The following CNTN5 variants were observed in gnomAD, a reference collection of about 807,000 sequenced individuals.
CNTN5 encodes the protein contactin 5, also known as contactin-5.
In CNTN5, 77 loss-of-function variants were observed where a neutral mutation model predicts 129.1. The ratio of observed to expected loss-of-function variants is 0.60; its 90% CI spans 0.50 to 0.72. The LOEUF is 0.72. CNTN5 is among the 30% of genes least tolerant of loss of function. The probability of loss-of-function intolerance (pLI) is 0.00; values close to 1 mark genes in which losing one functional copy is unlikely to be tolerated. For missense variants in CNTN5, 1,478 were observed against 1,328.8 expected (o/e 1.11, Z -1.75); for synonymous variants, 509 against 465.6 (o/e 1.09, Z -1.20).
intron 7 of CNTN5, among the ~76,000 whole-genome samples, chr11:99,948,908 A>G (rs1950611833): frequency 6.6e-6 from 1 of 152,146 alleles, no homozygotes; most frequent in African/African-American, 2.4e-5. Context: ...CCCTCATTGC[A>G]TTCCACCTGC....
At chr11:100,169,405 T>C (rs562908945) in intron 13 of CNTN5, among the ~76,000 whole-genome samples, 1 of 152,064 alleles carries the variant, frequency 6.6e-6, no homozygotes, top group South Asian at 2.1e-4. Context: ...TTAATATTTC[T>C]GAATAATCTG....
intron 3 of CNTN5, among the ~76,000 whole-genome samples, chr11:99,769,835 T>G (rs1455663540): frequency 6.6e-6 from 1 of 150,580 alleles, no homozygotes; most frequent in African/African-American, 2.4e-5. Context: ...AAAAACAATC[T>G]GATTTAAGAT....
At position 99,521,089 on chromosome 11, in the gene CNTN5, A is replaced by G. The variant is rs143129208; in HGVS notation, c.-70-35056A>G. Reference sequence around the variant, plus strand: ...ACCAAAACCCAAGCCTTCCATTTTAAGTCCAGTAAGCTTTCCACTATGGGA... The same window carrying G: ...ACCAAAACCCAAGCCTTCCATTTTAGGTCCAGTAAGCTTTCCACTATGGGA... On this transcript the variant is annotated intron_variant, in intron 2 of 24. Coordinates refer to ENST00000524871, the MANE Select transcript of CNTN5 (RefSeq NM_014361.4). Among the ~76,000 whole-genome samples, 1,511 of 152,280 alleles carry G rather than the reference A, an allele frequency of 9.9e-3. 17 individuals are homozygous for G. The highest frequency in any genetic ancestry group is 0.015 in the Non-Finnish European group (1,044 of 68,004).
chr11:99,498,020 G>T (rs902422134), intron 2 of CNTN5, among the ~76,000 whole-genome samples: 2 of 152,082 alleles, frequency 1.3e-5, no homozygotes, highest in Non-Finnish European at 2.9e-5. Context: ...GTTAGCTACT[G>T]TGTGTTCAGG....
chr11:99,645,728 C>T (rs1430075893), intron 3 of CNTN5, among the ~76,000 whole-genome samples: 1 of 151,526 alleles, frequency 6.6e-6, no homozygotes, highest in African/African-American at 2.4e-5. Flanking sequence ...TGATCTCACT[C>T]ATAAGTGGTA....
At chr11:99,850,706 G>A (rs1411094626) in intron 6 of CNTN5, among the ~76,000 whole-genome samples, 2 of 151,904 alleles carry the variant, frequency 1.3e-5, no homozygotes, top group African/African-American at 2.4e-5. Flanking sequence ...CCTTATAACA[G>A]GTCAAGGTAG....
chr11:100,098,638 C>T (rs935709326), intron 13 of CNTN5, among the ~76,000 whole-genome samples: 7 of 152,032 alleles, frequency 4.6e-5, no homozygotes, highest in African/African-American at 1.7e-4. Flanking sequence ...CTATTTGTTG[C>T]TATGTAACAA....
At chr11:100,352,219 T>G (rs971574770) in intron 24 of CNTN5, among the ~76,000 whole-genome samples, 3 of 151,650 alleles carry the variant, frequency 2.0e-5, no homozygotes, top group Non-Finnish European at 4.4e-5. Context: ...CCTCTATATG[T>G]CCATGTGTTC....
intron 3 of CNTN5, among the ~76,000 whole-genome samples, chr11:99,751,045 C>T (rs994289540): frequency 9.9e-5 from 15 of 152,116 alleles, no homozygotes; most frequent in South Asian, 4.1e-4. Flanking sequence ...TCATCCCTCA[C>T]GATTATAACT....
chr11:99,553,886 G>GA (rs1476972267), intron 2 of CNTN5, among the ~76,000 whole-genome samples: 8 of 151,436 alleles, frequency 5.3e-5, no homozygotes, highest in African/African-American at 1.9e-4. Flanking sequence ...GACTTTTTAA[G>GA]AAATATTATG....
intron 23 of CNTN5, among the ~76,000 whole-genome samples, chr11:100,343,530 G>A (rs1952212160): frequency 6.6e-6 from 1 of 152,072 alleles, no homozygotes. Flanking sequence ...CTCAGAACGC[G>A]GGTTTTCACA....
intron 13 of CNTN5, among the ~76,000 whole-genome samples, chr11:100,137,630 T>TA (rs1946568788): frequency 1.3e-5 from 2 of 151,924 alleles, no homozygotes; most frequent in South Asian, 4.1e-4. Flanking sequence ...TGTCCTGGAG[T>TA]AAAAATCACA....
intron 7 of CNTN5, among the ~76,000 whole-genome samples, chr11:99,933,967 G>A (rs1246813782): frequency 2.0e-5 from 3 of 152,138 alleles, no homozygotes; most frequent in African/African-American, 7.2e-5. Context: ...AAAGTAACTT[G>A]CTTTCAGCAT....
chr11:99,702,774 A>G (rs974215020), intron 3 of CNTN5, among the ~76,000 whole-genome samples: 3 of 150,960 alleles, frequency 2.0e-5, no homozygotes, highest in African/African-American at 4.8e-5. Flanking sequence ...CCTCCAGAAG[A>G]TCCATCTGTT....
At chr11:99,976,001 A>T (rs1413380100) in intron 8 of CNTN5, among the ~76,000 whole-genome samples, 1 of 152,242 alleles carries the variant, frequency 6.6e-6, no homozygotes, top group Non-Finnish European at 1.5e-5. Context: ...TTAGTTACTT[A>T]CAAGTTACAA....
At chr11:99,755,774 C>T (rs1944386406) in intron 3 of CNTN5, among the ~76,000 whole-genome samples, 1 of 151,988 alleles carries the variant, frequency 6.6e-6, no homozygotes, top group Non-Finnish European at 1.5e-5. Context: ...TAATAGATTA[C>T]TTCTAAGCTG....
intron 9 of CNTN5, among the ~76,000 whole-genome samples, chr11:100,020,647 G>A (rs1941091532): frequency 6.6e-6 from 1 of 151,984 alleles, no homozygotes; most frequent in African/African-American, 2.4e-5. Context: ...ATCTCTGTTT[G>A]CAGATGACAT....
Position 99,789,984 on chromosome 11 carries a change from A to T in CNTN5, c.56-29560A>T, listed in dbSNP as rs552094371. Among the ~76,000 whole-genome samples the T allele has an allele frequency of 2.3e-3, 349 of 151,960 alleles. 2 individuals are homozygous for T. The highest frequency in any genetic ancestry group is 7.3e-3 in the African/African-American group (303 of 41,486). ...TTTTGTTGCCATCTTTATGTCCTTG[A>T]GTACCCAGTGTTTAGCTCCCACTTA... is the stretch of plus-strand genomic sequence containing the variant. On this transcript the variant is annotated intron_variant, in intron 3 of 24. Coordinates refer to ENST00000524871, the MANE Select transcript of CNTN5 (RefSeq NM_014361.4).
chr11:100,160,231 T>A (rs1591334717), intron 13 of CNTN5, among the ~76,000 whole-genome samples: 1 of 151,954 alleles, frequency 6.6e-6, no homozygotes, highest in South Asian at 2.1e-4. Context: ...ATCATCCATG[T>A]CCCTGCAAAG....
Sources: gnomAD v4.1 joint callset for allele counts (sites outside exome capture counted in the v4.1 genomes callset) on GRCh38, gnomAD v4.1.1 for gene constraint, MANE v1.5 for transcripts, NCBI Gene and HGNC (gene_info 2026-07-23, HGNC 2026-07-21) for gene names.